The following ARHGAP26 variants were observed in gnomAD, a reference collection of about 807,000 sequenced individuals.
The protein encoded by ARHGAP26 is Rho GTPase activating protein 26.
In ARHGAP26, 38 loss-of-function variants were observed where a neutral mutation model predicts 104.8. The observed-to-expected ratio is 0.36, with a 90% CI of 0.28 to 0.48. ARHGAP26 has a LOEUF of 0.48. Ranked by LOEUF, ARHGAP26 falls within the 20% of genes least tolerant of loss-of-function variation. ARHGAP26 has a pLI of 0.99. For synonymous variants in ARHGAP26, 341 were observed against 340.0 expected, an observed-to-expected ratio of 1.00 and a Z score of -0.03; for missense variants, 704 against 947.9, an observed-to-expected ratio of 0.74 and a Z score of 3.38.
intron 11 of ARHGAP26, among the ~76,000 whole-genome samples, chr5:142,937,875 G>A (rs1019656052): frequency 1.3e-5 from 2 of 152,026 alleles, no homozygotes; most frequent in Non-Finnish European, 2.9e-5. Flanking sequence ...CAGGGTATAC[G>A]GACATTGGAA....
intron 17 of ARHGAP26, among the ~76,000 whole-genome samples, chr5:143,097,807 A>G (rs10058923): frequency 0.94 from 135,766 of 144,692 alleles, 63,796 homozygotes; most frequent in Non-Finnish European, 0.96. Flanking sequence ...GGGTGACAGA[A>G]CGAGACTCCA....
chr5:143,096,973 G>A (rs1001971393), intron 17 of ARHGAP26, among the ~76,000 whole-genome samples: 7 of 152,252 alleles, frequency 4.6e-5, no homozygotes, highest in African/African-American at 1.2e-4. Context: ...GGCCGGGTGC[G>A]GTGGCTCACG....
intron 1 of ARHGAP26, among the ~76,000 whole-genome samples, chr5:142,793,252 CTTTTT>C (rs56941301): frequency 6.5e-5 from 7 of 107,174 alleles, no homozygotes; most frequent in African/African-American, 2.8e-4. Context: ...TATCCCTTTG[CTTTTT>C]TTTTTTTTTT....
rs6149274 is a variant in ARHGAP26 at position 143,167,482 on chromosome 5, C to CAAAAAAAAAAAAAAAAAA, written c.1988+20120_1988+20137dup. Among the ~76,000 whole-genome samples the CAAAAAAAAAAAAAAAAAA allele has an allele frequency of 1.5e-4, 9 of 60,088 alleles. 2 individuals are homozygous for CAAAAAAAAAAAAAAAAAA. Among genetic ancestry groups the CAAAAAAAAAAAAAAAAAA allele is most frequent in the African/African-American group, 7.5e-4 (9 of 11,958 alleles). The allele number at this position is 60,088 out of a possible 152,430, so 39.4% of individuals were successfully genotyped here. On this transcript the variant is annotated intron_variant, in intron 20 of 22. Coordinates refer to ENST00000645722, the MANE Select transcript of ARHGAP26 (RefSeq NM_001135608.3). ...TGCATGACAGAGCAAGACTCCATCT[C>CAAAAAAAAAAAAAAAAAA]AAAAAAAAAAAAAAAAAAAAAAAAA...
intron 17 of ARHGAP26, among the ~76,000 whole-genome samples, chr5:143,072,090 A>G (rs558671638): frequency 3.3e-5 from 5 of 152,326 alleles, no homozygotes; most frequent in Non-Finnish European, 7.3e-5. Context: ...AAAAATCCCA[A>G]TACAAAATGG....
intron 18 of ARHGAP26, among the ~76,000 whole-genome samples, chr5:143,123,346 A>G (rs146728696): frequency 9.8e-5 from 15 of 152,364 alleles, no homozygotes; most frequent in African/African-American, 3.6e-4. Flanking sequence ...CTAGCCTGGT[A>G]TGAAGTAAGG....
intron 6 of ARHGAP26, among the ~76,000 whole-genome samples, chr5:142,896,877 A>G (rs1219648361): frequency 6.6e-6 from 1 of 152,224 alleles, no homozygotes; most frequent in East Asian, 1.9e-4. Flanking sequence ...GGATTGACTG[A>G]GTGTTTATCC....
intron 17 of ARHGAP26, among the ~76,000 whole-genome samples, chr5:143,088,893 G>C (rs766489479): frequency 3.9e-5 from 6 of 152,164 alleles, no homozygotes; most frequent in Admixed American, 1.3e-4. Context: ...TTATGACAGA[G>C]CAGATAATCG....
intron 1 of ARHGAP26, among the ~76,000 whole-genome samples, chr5:142,795,995 A>T (rs1322444215): frequency 6.6e-6 from 1 of 151,742 alleles, no homozygotes; most frequent in Non-Finnish European, 1.5e-5. Flanking sequence ...ACTTTTTTCT[A>T]TAGTACTTAT....
rs887566858 is a variant in ARHGAP26, at chr5:143,009,107, G to A, written c.1108-4973G>A. 4.6e-5 allele frequency among the ~76,000 whole-genome samples: 7 copies of A among 152,048 alleles called. No individual in the cohort carries two copies. In the East Asian group the frequency reaches 1.2e-3, roughly 25 times the overall value. Reference sequence around the variant, plus strand: ...GTGTTTATCGTCAGGATCGAACCCTGTGGTTCAGAGAGAATATGAAGTGTT... The same window carrying A: ...GTGTTTATCGTCAGGATCGAACCCTATGGTTCAGAGAGAATATGAAGTGTT... On this transcript the variant is annotated intron_variant, in intron 11 of 22. Transcript: ENST00000645722.
intron 12 of ARHGAP26, chr5:143,014,410 CTATAG>C: frequency 2.4e-6 from 1 of 424,812 alleles, no homozygotes; most frequent in Non-Finnish European, 4.3e-6. Context: ...GGTCTTAAGA[CTATAG>C]CTCGTCACCA....
intron 1 of ARHGAP26, among the ~76,000 whole-genome samples, chr5:142,852,658 T>C (rs1231830035): frequency 6.6e-6 from 1 of 152,230 alleles, no homozygotes; most frequent in Non-Finnish European, 1.5e-5. Flanking sequence ...AGCAGTTGAA[T>C]TGGTTTTCCA....
intron 17 of ARHGAP26, among the ~76,000 whole-genome samples, chr5:143,109,517 C>T (rs10477201): frequency 0.049 from 7,417 of 151,794 alleles, 612 homozygotes; most frequent in African/African-American, 0.17. Context: ...TGCAGTGGTG[C>T]GATCTCAGCT....
intron 20 of ARHGAP26, among the ~76,000 whole-genome samples, chr5:143,199,880 A>G (rs189384637): frequency 2.0e-5 from 3 of 152,276 alleles, no homozygotes; most frequent in East Asian, 1.9e-4. Flanking sequence ...AAAGTCCTAC[A>G]CTAAGCTACA....
intron 17 of ARHGAP26, among the ~76,000 whole-genome samples, chr5:143,089,016 A>T (rs529914654): frequency 5.9e-5 from 9 of 152,342 alleles, no homozygotes; most frequent in Admixed American, 2.0e-4. Context: ...CAGGTAATTG[A>T]AAAAGGTTGC....
At chr5:143,097,281 G>A (rs1792476638) in intron 17 of ARHGAP26, among the ~76,000 whole-genome samples, 1 of 148,878 alleles carries the variant, frequency 6.7e-6, no homozygotes, top group African/African-American at 2.5e-5. Flanking sequence ...GGACGTGGAG[G>A]TTGCAGTGAG....
chr5:143,099,694 A>G (rs1464504915), intron 17 of ARHGAP26, among the ~76,000 whole-genome samples: 2 of 152,212 alleles, frequency 1.3e-5, no homozygotes, highest in Non-Finnish European at 2.9e-5. Flanking sequence ...TGATAAGTCC[A>G]AAATTATAAA....
intron 19 of ARHGAP26, among the ~76,000 whole-genome samples, chr5:143,137,915 G>T (rs748230549): frequency 9.9e-5 from 15 of 152,230 alleles, no homozygotes; most frequent in Non-Finnish European, 2.2e-4. Flanking sequence ...GCCTTGGATT[G>T]TCATTTGCCT....
chr5:142,982,394 AT>A (rs1361173209), intron 11 of ARHGAP26, among the ~76,000 whole-genome samples: 2 of 152,294 alleles, frequency 1.3e-5, no homozygotes, highest in African/African-American at 4.8e-5. Context: ...TCCCCTAAAC[AT>A]GGCTGCTGGC....
Sources: gnomAD v4.1 joint callset for allele counts (sites outside exome capture counted in the v4.1 genomes callset) on GRCh38, gnomAD v4.1.1 for gene constraint, MANE v1.5 for transcripts, NCBI Gene and HGNC (gene_info 2026-07-23, HGNC 2026-07-21) for gene names.